C6orf52: variants seen among roughly 807,000 people sequenced by gnomAD.
C6orf52 encodes putative uncharacterized protein C6orf52.
A neutral mutation model predicts 16.6 loss-of-function variants in C6orf52; 16 were observed. The ratio of observed to expected loss-of-function variants is 0.96; its 90% CI spans 0.65 to 1.46. The LOEUF (loss-of-function observed/expected upper bound fraction) is 1.46, where lower values mean the gene tolerates loss of function less well. Ranked by LOEUF, C6orf52 falls within the 40% of genes most tolerant of loss-of-function variation. The pLI is 0.00. For missense variants in C6orf52, 166 were observed against 182.3 expected (o/e 0.91, Z 0.52); for synonymous variants, 53 against 61.4 (o/e 0.86, Z 0.64).
At chr6:10,681,668 T>G (rs1374611431) in intron 4 of C6orf52, among the ~76,000 whole-genome samples, 1 of 152,212 alleles carries the variant, frequency 6.6e-6, no homozygotes, top group African/African-American at 2.4e-5. Context: ...GTCCCCACTT[T>G]ACAGAAACTG....
At chr6:10,687,189 C>T in intron 2 of C6orf52, 25 bp from the exon 3 acceptor site, 1 of 1,494,580 alleles carries the variant, frequency 6.7e-7, no homozygotes, top group Non-Finnish European at 9.1e-7. Context: ...ATCATCACAA[C>T]CAACGCAGAA....
intron 4 of C6orf52, among the ~76,000 whole-genome samples, chr6:10,678,919 C>G (rs569593543): frequency 4.1e-4 from 63 of 151,866 alleles, no homozygotes; most frequent in African/African-American, 1.4e-3. Flanking sequence ...ATGGTGAAGC[C>G]CCACCTCTAC....
intron 4 of C6orf52, among the ~76,000 whole-genome samples, chr6:10,682,814 C>T (rs1328063305): frequency 5.3e-5 from 8 of 152,182 alleles, no homozygotes; most frequent in African/African-American, 1.9e-4. Context: ...TCAGGTACCC[C>T]AGGATCCAAT....
chr6:10,688,075 C>T (rs79796037), intron 1 of C6orf52, among the ~76,000 whole-genome samples: 2,221 of 152,222 alleles, frequency 0.015, 48 homozygotes, highest in African/African-American at 0.051. Context: ...CATCCAACTA[C>T]CTGCAAAATT....
At chr6:10,676,889 A>G (rs1767943121) in intron 4 of C6orf52, among the ~76,000 whole-genome samples, 1 of 152,064 alleles carries the variant, frequency 6.6e-6, no homozygotes, top group Admixed American at 6.6e-5. Flanking sequence ...AAGACGACGA[A>G]CCCTGGGTAT....
Position 10,671,612 on chromosome 6 carries a change from T to A in C6orf52, c.317-14A>T, listed in dbSNP as rs934979761. The A allele has an allele frequency of 4.6e-6, 7 of 1,509,146 alleles. No homozygotes were observed. The highest frequency in any genetic ancestry group is 6.2e-6 in the Non-Finnish European group (7 of 1,124,266). 93.5% of individuals were successfully genotyped at this position (1,509,146 alleles called of 1,614,324 possible). On this transcript the variant is annotated splice_polypyrimidine_tract_variant and intron_variant, in intron 4 of 4. Transcript: ENST00000259983. ...GAAGATGTGGATCTGCAGAAGCCAA[T>A]AATGGATATGAAAAAAATAGAGTTT...
At chr6:10,673,289 G>C (rs979143887) in intron 4 of C6orf52, among the ~76,000 whole-genome samples, 1 of 152,200 alleles carries the variant, frequency 6.6e-6, no homozygotes, top group Non-Finnish European at 1.5e-5. Context: ...GATATAGTGT[G>C]GTCAGCTCCA....
chr6:10,684,152 G>T (rs761415455), intron 3 of C6orf52, among the ~76,000 whole-genome samples: 1 of 151,922 alleles, frequency 6.6e-6, no homozygotes, highest in African/African-American at 2.4e-5. Context: ...ATTTAGATAC[G>T]GCTAAGACCG....
intron 1 of C6orf52, among the ~76,000 whole-genome samples, chr6:10,689,367 T>C (rs1394088950): frequency 2.0e-5 from 3 of 152,212 alleles, no homozygotes; most frequent in Admixed American, 2.0e-4. Flanking sequence ...GTAACTGGCA[T>C]TGGTGATGTA....
rs1262812552 is a variant in C6orf52, at chr6:10,687,367, A to G, written c.71+113T>C. The G allele has an allele frequency of 3.4e-6, 3 of 885,188 alleles. No individual in the cohort carries two copies. In the African/African-American group the frequency reaches 5.3e-5, roughly 16 times the overall value. 54.8% of individuals were successfully genotyped at this position (885,188 alleles called of 1,614,324 possible). On this transcript the variant is annotated intron_variant, in intron 2 of 4. Coordinates refer to ENST00000259983, the MANE Select transcript of C6orf52 (RefSeq NM_001145020.3). ...TGTAAAAAACCTGCACGTTCTGCAC[A>G]TGTACCCCAGAACTTTAAAAAAAAA...
chr6:10,671,534 G>C lies in C6orf52; in HGVS notation c.381C>G (p.Leu127=), dbSNP rs753169660. 2 of 1,549,394 alleles carry C rather than the reference G, an allele frequency of 1.3e-6. No individual in the cohort carries two copies. The highest frequency in any genetic ancestry group is 8.7e-7 in the Non-Finnish European group (1 of 1,145,228). The stretch of plus-strand genomic sequence containing the variant: ...AGTGGCAATTCATGAGGGAGTCGTA[G>C]AGTTCTTCACTTTTCACCATAAACT... ...NQEFMVKSEE[L]YDSLMNCHWQ... is the part of the protein sequence containing the mutation. The change falls in exon 5 of 5, where the codon CTC becomes CTG. Residue 127 remains leucine, a synonymous_variant. Coordinates refer to ENST00000259983, the MANE Select transcript of C6orf52 (RefSeq NM_001145020.3).
chr6:10,691,433 A>C (rs984927951), intron 1 of C6orf52, among the ~76,000 whole-genome samples: 1 of 152,098 alleles, frequency 6.6e-6, no homozygotes, highest in Non-Finnish European at 1.5e-5. Flanking sequence ...ATGCACCGGT[A>C]ATTAGAACGG....
At chr6:10,675,887 T>A (rs1354169051) in intron 4 of C6orf52, among the ~76,000 whole-genome samples, 1 of 152,188 alleles carries the variant, frequency 6.6e-6, no homozygotes, top group Admixed American at 6.5e-5. Context: ...ATCCCAGCAC[T>A]TTGGGAGGCC....
At chr6:10,682,678 T>A (rs1768504096) in intron 4 of C6orf52, among the ~76,000 whole-genome samples, 1 of 152,160 alleles carries the variant, frequency 6.6e-6, no homozygotes, top group Admixed American at 6.5e-5. Flanking sequence ...AGCAAAACAT[T>A]TTTTCCCCTT....
At chr6:10,683,129 T>C (rs1440782217) in intron 4 of C6orf52, 58 bp downstream of exon 4, 12 of 1,179,466 alleles carry the variant, frequency 1.0e-5, no homozygotes, top group Middle Eastern at 3.9e-4. Context: ...GCTGAGTGAA[T>C]GAGAAACCAG....
At chr6:10,694,876 G>A, upstream of C6orf52, 1 of 742,596 alleles carries the variant, frequency 1.3e-6, no homozygotes. Context: ...CGTATAATTC[G>A]AGCGCCGATG....
intron 1 of C6orf52, among the ~76,000 whole-genome samples, chr6:10,694,167 G>A (rs991489573): frequency 1.3e-5 from 2 of 150,910 alleles, no homozygotes. Flanking sequence ...GGCTGAGGCA[G>A]GAGAATTGCT....
chr6:10,684,849 C>T (rs1176076074), intron 3 of C6orf52: 7 of 1,288,932 alleles, frequency 5.4e-6, no homozygotes, highest in Non-Finnish European at 5.1e-6. Context: ...AGAGGCTTAC[C>T]ATCTTTAATT....
In C6orf52 at chr6:10,694,546, C is replaced by CCCTA. The variant is rs1302939244; in HGVS notation, c.-68_-65dup. 4 of 159,092 alleles carry CCCTA rather than the reference C, an allele frequency of 2.5e-5. No individual in the cohort carries two copies. Among genetic ancestry groups the CCCTA allele is most frequent in the African/African-American group, 9.6e-5 (4 of 41,510 alleles). 9.9% of individuals were successfully genotyped at this position (159,092 alleles called of 1,614,324 possible). On this transcript the variant is annotated 5_prime_UTR_variant, in exon 1 of 5. Transcript: ENST00000259983. ...GCTGGTCCCTGAACAAAAACTCCTA[C>CCCTA]CCTACTAGTACACAGCCCACAACAA... is the stretch of plus-strand genomic sequence containing the variant.
Sources: gnomAD v4.1 joint callset for allele counts (sites outside exome capture counted in the v4.1 genomes callset) on GRCh38, gnomAD v4.1.1 for gene constraint, MANE v1.5 for transcripts, NCBI Gene and HGNC (gene_info 2026-07-23, HGNC 2026-07-21) for gene names.